Variants in KCNMB2 observed in about 807,000 individuals in gnomAD.
KCNMB2 encodes the protein potassium calcium-activated channel subfamily M regulatory beta subunit 2.
KCNMB2 carries 9 observed loss-of-function variants against 24.5 expected under a neutral mutation model. The ratio of observed to expected loss-of-function variants is 0.37; its 90% CI spans 0.22 to 0.64. The LOEUF is 0.64. Ranked by LOEUF, KCNMB2 falls within the 30% of genes least tolerant of loss-of-function variation. KCNMB2 has a pLI of 0.63. For synonymous variants in KCNMB2, 109 were observed against 104.4 expected (o/e 1.04, Z -0.27); for missense variants, 226 against 284.3 (o/e 0.79, Z 1.47).
chr3:178,735,392 G>A (rs536257029), intron 1 of KCNMB2, among the ~76,000 whole-genome samples: 26 of 152,348 alleles, frequency 1.7e-4, no homozygotes, highest in African/African-American at 5.8e-4. Flanking sequence ...CCTGCAAATC[G>A]GAGTTGCTTT....
Position 178,571,955 on chromosome 3 carries a change from C to T in KCNMB2, c.-68+35244C>T, listed in dbSNP as rs118129427. Among the ~76,000 whole-genome samples the T allele has an allele frequency of 1.6e-4, 24 of 152,198 alleles. No individual in the cohort carries two copies. In the East Asian group the frequency reaches 4.6e-3, roughly 29 times the overall value. ...CACTGATGGGCTTTTGGGTTGGTTCCAAGTGTTTGCTATTGTAAATAGTGC... is the reference window on the plus strand; with the variant it reads ...CACTGATGGGCTTTTGGGTTGGTTCTAAGTGTTTGCTATTGTAAATAGTGC... On this transcript the variant is annotated intron_variant, in intron 1 of 4. Coordinates refer to ENST00000452583, the MANE Select transcript of KCNMB2 (RefSeq NM_181361.3).
intron 1 of KCNMB2, among the ~76,000 whole-genome samples, chr3:178,671,614 G>T (rs182613333): frequency 2.6e-5 from 4 of 152,276 alleles, no homozygotes; most frequent in Admixed American, 2.6e-4. Flanking sequence ...TTTCTGGTCA[G>T]TCAAAAGGTT....
At chr3:178,611,598 G>A (rs1252239943) in intron 1 of KCNMB2, among the ~76,000 whole-genome samples, 21 of 152,062 alleles carry the variant, frequency 1.4e-4, no homozygotes, top group African/African-American at 2.9e-4. Context: ...CCAGCTATTC[G>A]GGAGGCTGAG....
intron 1 of KCNMB2, among the ~76,000 whole-genome samples, chr3:178,781,011 T>A (rs534075130): frequency 6.6e-6 from 1 of 152,220 alleles, no homozygotes; most frequent in Non-Finnish European, 1.5e-5. Context: ...GCTATAAGTA[T>A]AAAATATGCA....
chr3:178,777,712 G>A (rs539243648), intron 1 of KCNMB2, among the ~76,000 whole-genome samples: 3 of 152,182 alleles, frequency 2.0e-5, no homozygotes, highest in Non-Finnish European at 4.4e-5. Flanking sequence ...AAAAAATGCA[G>A]GGGAGAAAAA....
rs945513577 is a variant in KCNMB2 at position 178,635,841 on chromosome 3, T to A, written c.-68+99130T>A. On this transcript the variant is annotated intron_variant, in intron 1 of 4. Transcript: ENST00000452583. ...ATCATTGCCTGGTAAACTATAATAA[T>A]TATACAAATTCAATACTTCAGTTCT... is the stretch of plus-strand genomic sequence containing the variant. Among the ~76,000 whole-genome samples the A allele has an allele frequency of 1.1e-4, 17 of 152,220 alleles. No individual in the cohort carries two copies. The South Asian group carries it at 1.2e-3, about 11-fold the overall frequency.
At chr3:178,704,450 C>T (rs77646430) in intron 1 of KCNMB2, among the ~76,000 whole-genome samples, 1 of 152,116 alleles carries the variant, frequency 6.6e-6, no homozygotes, top group Non-Finnish European at 1.5e-5. Context: ...TTAAATCCAA[C>T]AAAATTAAGA....
At chr3:178,659,228 G>A (rs1054614649) in intron 1 of KCNMB2, among the ~76,000 whole-genome samples, 1 of 152,204 alleles carries the variant, frequency 6.6e-6, no homozygotes, top group African/African-American at 2.4e-5. Context: ...AATCACAGAA[G>A]CATTATATTA....
chr3:178,780,741 T>C (rs571741669), intron 1 of KCNMB2, among the ~76,000 whole-genome samples: 89 of 152,340 alleles, frequency 5.8e-4, no homozygotes, highest in Non-Finnish European at 1.1e-3. Context: ...TTAACCTCCC[T>C]AAGCCTCAGC....
chr3:178,679,805 T>C (rs1721203938), intron 1 of KCNMB2, among the ~76,000 whole-genome samples: 1 of 152,174 alleles, frequency 6.6e-6, no homozygotes, highest in Non-Finnish European at 1.5e-5. Context: ...AAAAACTCCC[T>C]AGTGCAATAA....
At chr3:178,537,403 A>G (rs146709327) in intron 1 of KCNMB2, 1 of 152,296 alleles carries the variant, frequency 6.6e-6, no homozygotes, top group Non-Finnish European at 1.5e-5. Context: ...GGGGCTGCAG[A>G]TGGAAATGGT....
chr3:178,780,053 T>TAAAA (rs11406849), intron 1 of KCNMB2, among the ~76,000 whole-genome samples: 3 of 134,022 alleles, frequency 2.2e-5, no homozygotes, highest in African/African-American at 8.3e-5. Flanking sequence ...TTGTTTTTTT[T>TAAAA]AAAAAAAAAA....
chr3:178,809,550 G>T (rs994202611), intron 2 of KCNMB2, among the ~76,000 whole-genome samples: 1 of 152,130 alleles, frequency 6.6e-6, no homozygotes, highest in Admixed American at 6.5e-5. Flanking sequence ...TTTGAACCCA[G>T]CTGATGCTCT....
intron 1 of KCNMB2, among the ~76,000 whole-genome samples, chr3:178,725,229 T>C (rs1015921080): frequency 1.3e-5 from 2 of 152,058 alleles, no homozygotes; most frequent in Admixed American, 1.3e-4. Flanking sequence ...AAATCTTCCA[T>C]CTCTTTGGTT....
At chr3:178,684,594 G>A (rs559568093) in intron 1 of KCNMB2, among the ~76,000 whole-genome samples, 6 of 152,228 alleles carry the variant, frequency 3.9e-5, no homozygotes, top group South Asian at 4.2e-4. Context: ...TTGGGAGTCC[G>A]AGGCGGGCAG....
intron 1 of KCNMB2, among the ~76,000 whole-genome samples, chr3:178,540,209 G>A (rs1173755674): frequency 6.6e-6 from 1 of 152,122 alleles, no homozygotes; most frequent in African/African-American, 2.4e-5. Context: ...TCTTTCTTTT[G>A]CACATCACAG....
intron 1 of KCNMB2, among the ~76,000 whole-genome samples, chr3:178,719,131 G>A (rs961833628): frequency 6.6e-6 from 1 of 152,192 alleles, no homozygotes; most frequent in African/African-American, 2.4e-5. Flanking sequence ...TTACAGCTTA[G>A]CCCAGCTTCT....
chr3:178,720,854 T>G (rs1382484524), intron 1 of KCNMB2, among the ~76,000 whole-genome samples: 5 of 151,496 alleles, frequency 3.3e-5, no homozygotes, highest in African/African-American at 1.2e-4. Flanking sequence ...TAAATTTGTT[T>G]GAGTTCATTG....
chr3:178,664,470 T>C (rs570595467), intron 1 of KCNMB2, among the ~76,000 whole-genome samples: 139 of 152,140 alleles, frequency 9.1e-4, no homozygotes, highest in Middle Eastern at 6.8e-3. Context: ...GCTACACTAT[T>C]ATATACTTTT....
Sources: allele counts gnomAD v4.1 joint callset (sites outside exome capture counted in the v4.1 genomes callset), GRCh38; gene constraint gnomAD v4.1.1; transcripts MANE v1.5; gene names NCBI Gene and HGNC (gene_info 2026-07-23, HGNC 2026-07-21).